The following SAMMSON variants were observed in gnomAD, a reference collection of about 807,000 sequenced individuals.
SAMMSON encodes survival associated mitochondrial melanoma specific oncogenic non-coding RNA.
chr3:70,072,523 A>T (rs1465536151), intron 4 of SAMMSON: 1 of 151,832 alleles, frequency 6.6e-6, no homozygotes, highest in Non-Finnish European at 1.5e-5. Flanking sequence ...AAAGAAAAAA[A>T]AATCTCCTCC....
intron 4 of SAMMSON, among the ~76,000 whole-genome samples, chr3:70,241,962 C>T (rs1260240423): frequency 6.6e-6 from 1 of 152,158 alleles, no homozygotes; most frequent in Non-Finnish European, 1.5e-5. Context: ...TGTTTAGGCC[C>T]TTAGAGTTTA....
At chr3:70,058,919 A>T (rs1296752123) in intron 3 of SAMMSON, among the ~76,000 whole-genome samples, 1 of 152,094 alleles carries the variant, frequency 6.6e-6, no homozygotes, top group Non-Finnish European at 1.5e-5. Flanking sequence ...TAGGATCCCA[A>T]GCCCTAAGCC....
At chr3:70,267,187 T>C (rs953871922) in intron 6 of SAMMSON, among the ~76,000 whole-genome samples, 50 of 152,122 alleles carry the variant, frequency 3.3e-4, no homozygotes, top group African/African-American at 1.2e-3. Flanking sequence ...ATTTTATACT[T>C]AATTCCCCCT....
At chr3:70,355,761 C>T in intron 8 of SAMMSON, among the ~76,000 whole-genome samples, 1 of 152,104 alleles carries the variant, frequency 6.6e-6, no homozygotes, top group Non-Finnish European at 1.5e-5. Flanking sequence ...ATCCACTGAA[C>T]ACTCAGCATA....
At chr3:70,309,826 G>A (rs1349236675) in intron 7 of SAMMSON, among the ~76,000 whole-genome samples, 1 of 152,110 alleles carries the variant, frequency 6.6e-6, no homozygotes, top group Non-Finnish European at 1.5e-5. Context: ...GTCCAAATGA[G>A]ATAAAACAGG....
chr3:70,307,427 A>G (rs1164668447), intron 7 of SAMMSON, among the ~76,000 whole-genome samples: 1 of 152,118 alleles, frequency 6.6e-6, no homozygotes, highest in Non-Finnish European at 1.5e-5. Context: ...GGTGTAAGCT[A>G]CAGGCACTGA....
At chr3:70,163,261 T>G (rs1036099337) in intron 4 of SAMMSON, among the ~76,000 whole-genome samples, 1 of 150,902 alleles carries the variant, frequency 6.6e-6, no homozygotes, top group Non-Finnish European at 1.5e-5. Flanking sequence ...TAAATATATA[T>G]TTTAAGTGTA....
chr3:70,107,810 C>A (rs897603452), intron 4 of SAMMSON, among the ~76,000 whole-genome samples: 1 of 151,882 alleles, frequency 6.6e-6, no homozygotes, highest in Admixed American at 6.6e-5. Flanking sequence ...AATGAAGGGA[C>A]CCAGATACAT....
chr3:70,192,669 G>A (rs1018039068), intron 4 of SAMMSON, among the ~76,000 whole-genome samples: 2 of 152,154 alleles, frequency 1.3e-5, no homozygotes, highest in Non-Finnish European at 2.9e-5. Context: ...GCCAGATTTA[G>A]CAATTAGAAA....
chr3:70,306,407 G>A (rs372613956), intron 7 of SAMMSON, among the ~76,000 whole-genome samples: 9 of 152,084 alleles, frequency 5.9e-5, no homozygotes, highest in East Asian at 1.9e-4. Flanking sequence ...TACCTCACCC[G>A]GCCAATAATC....
At chr3:70,289,861 A>T (rs1483214249) in intron 6 of SAMMSON, among the ~76,000 whole-genome samples, 1 of 151,768 alleles carries the variant, frequency 6.6e-6, no homozygotes, top group African/African-American at 2.4e-5. Context: ...TCGGCTCCTG[A>T]GGCTTCTGCA....
At chr3:70,211,813 C>T (rs1437291993) in intron 4 of SAMMSON, among the ~76,000 whole-genome samples, 3 of 146,844 alleles carry the variant, frequency 2.0e-5, no homozygotes, top group Admixed American at 1.4e-4. Context: ...CTTACCCTTC[C>T]CTTCCCTTCC....
chr3:70,395,209 G>T (rs9830863), intron 2 of SAMMSON, among the ~76,000 whole-genome samples: 3,014 of 152,048 alleles, frequency 0.02, 86 homozygotes, highest in East Asian at 0.11. Context: ...CCTGCCAAAG[G>T]TCTCTATTGT....
At chr3:70,057,948 C>T (rs1055720645) in intron 3 of SAMMSON, among the ~76,000 whole-genome samples, 10 of 152,024 alleles carry the variant, frequency 6.6e-5, no homozygotes, top group Non-Finnish European at 1.3e-4. Flanking sequence ...GAAAGGGAAA[C>T]TTGAGATATC....
chr3:70,275,565 C>A (rs996246506), intron 6 of SAMMSON, among the ~76,000 whole-genome samples: 2 of 152,070 alleles, frequency 1.3e-5, no homozygotes, highest in African/African-American at 4.8e-5. Context: ...GGAATTCAGT[C>A]CTTGGGACTG....
At chr3:70,214,380 C>T (rs544688850) in intron 4 of SAMMSON, among the ~76,000 whole-genome samples, 7 of 152,062 alleles carry the variant, frequency 4.6e-5, no homozygotes, top group South Asian at 2.1e-4. Context: ...TCAAGGGCTA[C>T]GACAAGAGGA....
intron 2 of SAMMSON, among the ~76,000 whole-genome samples, chr3:70,432,923 TTTTTCAGA>T (rs1411038631): frequency 1.5e-4 from 23 of 152,200 alleles, no homozygotes; most frequent in African/African-American, 5.3e-4. Context: ...AGTATGTAGT[TTTTTCAGA>T]TTGACTTTTT....
intron 4 of SAMMSON, among the ~76,000 whole-genome samples, chr3:70,236,655 G>A (rs112166723): frequency 0.019 from 2,848 of 152,176 alleles, 35 homozygotes; most frequent in South Asian, 0.042. Context: ...GAGTGCAGCG[G>A]CACAATCATG....
intron 2 of SAMMSON, among the ~76,000 whole-genome samples, chr3:70,424,165 C>A (rs1701335624): frequency 6.6e-6 from 1 of 152,096 alleles, no homozygotes; most frequent in Admixed American, 6.5e-5. Context: ...AACTGAAAAT[C>A]TCCTTTGAAT....
Sources: allele counts gnomAD v4.1 joint callset (sites outside exome capture counted in the v4.1 genomes callset), GRCh38; gene constraint gnomAD v4.1.1; transcripts MANE v1.5; gene names NCBI Gene and HGNC (gene_info 2026-07-23, HGNC 2026-07-21).